Variants in MACROH2A2 observed in about 807,000 individuals in gnomAD.
MACROH2A2 encodes the protein core histone macro-H2A.2.
Under a neutral mutation model 37.6 loss-of-function variants are expected in MACROH2A2, and 6 were observed. The ratio of observed to expected loss-of-function variants is 0.16; its 90% CI spans 0.09 to 0.32. The LOEUF (loss-of-function observed/expected upper bound fraction) is 0.32, where lower values mean the gene tolerates loss of function less well. MACROH2A2 is among the 10% of genes least tolerant of loss of function. The pLI, the probability that MACROH2A2 is intolerant of heterozygous loss-of-function variation, is 1.00. For synonymous variants in MACROH2A2, 192 were observed against 202.7 expected, an observed-to-expected ratio of 0.95 and a Z score of 0.45; for missense variants, 290 against 485.9, an observed-to-expected ratio of 0.60 and a Z score of 3.79.
At chr10:70,059,661 G>A (rs527410367) in intron 1 of MACROH2A2, among the ~76,000 whole-genome samples, 32 of 152,206 alleles carry the variant, frequency 2.1e-4, no homozygotes, top group African/African-American at 7.7e-4. Context: ...GTGAGCCACC[G>A]CGCCTGGCCT....
chr10:70,091,741 G>T lies in MACROH2A2; in HGVS notation c.280-16G>T. 6.3e-7 allele frequency: 1 copy of T among 1,588,326 alleles called. No homozygotes were observed. The highest frequency in any genetic ancestry group is 8.6e-7 in the Non-Finnish European group (1 of 1,156,864). On this transcript the variant is annotated splice_polypyrimidine_tract_variant and intron_variant, in intron 3 of 8. Transcript: ENST00000373255. ...CAGGCTGTTTGCTACATGAGCGCAT[G>T]CATTTCTCTCTTCAGCTGCTAAAAG...
chr10:70,056,112 C>T (rs2072014509), intron 1 of MACROH2A2, among the ~76,000 whole-genome samples: 1 of 152,032 alleles, frequency 6.6e-6, no homozygotes, highest in South Asian at 2.1e-4. Flanking sequence ...ACAAAATGGA[C>T]AGAAAAAGTA....
intron 1 of MACROH2A2, among the ~76,000 whole-genome samples, chr10:70,063,910 C>T (rs542479438): frequency 8.5e-5 from 13 of 152,280 alleles, no homozygotes; most frequent in African/African-American, 3.1e-4. Flanking sequence ...GAGGGAACTG[C>T]GGCGAAGGTG....
chr10:70,080,885 CAAAAAAAAAA>C (rs149608498), intron 2 of MACROH2A2, among the ~76,000 whole-genome samples: 4 of 31,986 alleles, frequency 1.3e-4, no homozygotes, highest in African/African-American at 5.5e-4. Flanking sequence ...AACTCCATCT[CAAAAAAAAAA>C]AAAAAAAAAA....
At chr10:70,108,795 A>G (rs1345226257) in intron 7 of MACROH2A2, among the ~76,000 whole-genome samples, 1 of 152,140 alleles carries the variant, frequency 6.6e-6, no homozygotes, top group East Asian at 1.9e-4. Context: ...CCATATGAAA[A>G]TGGCGCATCA....
At chr10:70,074,951 T>C (rs1405804944) in intron 1 of MACROH2A2, among the ~76,000 whole-genome samples, 2 of 152,234 alleles carry the variant, frequency 1.3e-5, no homozygotes, top group East Asian at 1.9e-4. Context: ...TTATTGTTGC[T>C]GGAACAAATT....
chr10:70,103,744 G>T, intron 7 of MACROH2A2, among the ~76,000 whole-genome samples: 1 of 151,664 alleles, frequency 6.6e-6, no homozygotes, highest in East Asian at 1.9e-4. Context: ...CATTTGTAAA[G>T]AAATGATGGC....
In MACROH2A2 at chr10:70,100,216, T is replaced by C. The variant is rs1361847248; in HGVS notation, c.697T>C (p.Leu233=). Residue 233 remains leucine, a synonymous_variant, in exon 7 of 9, where the codon TTG becomes CTG. Transcript: ENST00000373255. The stretch of plus-strand genomic sequence containing the variant: ...ATTGCTCTCCTTTGCAGGTAAAGCC[T>C]TGGAAAAGGCTGGGGGAAAAGAGTT... The part of the protein sequence containing the change: ...IDLKEDIGKA[L]EKAGGKEFLE... The C allele has an allele frequency of 2.5e-6, 4 of 1,598,524 alleles. No individual in the cohort carries two copies. The highest frequency in any genetic ancestry group is 3.4e-6 in the Non-Finnish European group (4 of 1,166,422).
chr10:70,053,372 C>T lies in MACROH2A2; in HGVS notation c.-60+372C>T, dbSNP rs1025166227. Among the ~76,000 whole-genome samples the T allele has an allele frequency of 4.6e-5, 7 of 151,490 alleles. No individual in the cohort carries two copies. Among genetic ancestry groups the T allele is most frequent in the East Asian group, 3.9e-4 (2 of 5,124 alleles). ...TCTCCTGGGAATGCGGAGTTTCGGG[C>T]GCAGGAGCGGGAGGACGGAGGCGCC... On this transcript the variant is annotated intron_variant, in intron 1 of 8. Transcript: ENST00000373255. This position sits in a 1 kb window ranked among gnomAD's most constrained non-coding sequence, Gnocchi z 4.8.
chr10:70,109,847 T>C (rs2072359905), intron 8 of MACROH2A2, among the ~76,000 whole-genome samples: 1 of 152,226 alleles, frequency 6.6e-6, no homozygotes, highest in African/African-American at 2.4e-5. Flanking sequence ...CTGGGCATTG[T>C]TTCAGATACA....
chr10:70,111,286 TTAATC>T (rs1480233096), intron 8 of MACROH2A2, among the ~76,000 whole-genome samples: 2 of 151,968 alleles, frequency 1.3e-5, no homozygotes, highest in Non-Finnish European at 1.5e-5. Flanking sequence ...ATAAATTAAT[TTAATC>T]AAATTAAATC....
chr10:70,083,106 C>T (rs1009258424), intron 2 of MACROH2A2, among the ~76,000 whole-genome samples: 5 of 151,966 alleles, frequency 3.3e-5, no homozygotes, highest in Admixed American at 6.6e-5. Flanking sequence ...GAGCTGGAAA[C>T]ACAGAGACAA....
chr10:70,058,169 G>A (rs376406785), intron 1 of MACROH2A2, among the ~76,000 whole-genome samples: 1 of 152,212 alleles, frequency 6.6e-6, no homozygotes, highest in African/African-American at 2.4e-5. Context: ...ACTTTAAGCT[G>A]TCTTGTCACA....
Position 70,111,850 on chromosome 10 carries a change from C to T in MACROH2A2, c.*167C>T. 2.2e-6 allele frequency: 1 copy of T among 456,408 alleles called. No homozygotes were observed. Among genetic ancestry groups the T allele is most frequent in the Non-Finnish European group, 3.8e-6 (1 of 265,962 alleles). The allele number at this position is 456,408 out of a possible 1,614,324, so 28.3% of individuals were successfully genotyped here. On this transcript the variant is annotated 3_prime_UTR_variant, in exon 9 of 9. Transcript: ENST00000373255. ...CCTTCACACTCTCCTCCAAAAGAGC[C>T]TCCATCTGTAAGGAAGCAGGTCTCC...
rs1008159174 is a variant in MACROH2A2, at chr10:70,090,246, A to T, written c.279+80A>T. The T allele has an allele frequency of 2.3e-5, 20 of 862,406 alleles. No individual in the cohort carries two copies. In the African/African-American group the frequency reaches 3.3e-4, roughly 14 times the overall value. The allele number at this position is 862,406 out of a possible 1,614,324, so 53.4% of individuals were successfully genotyped here. On this transcript the variant is annotated intron_variant, in intron 3 of 8. Coordinates refer to ENST00000373255, the MANE Select transcript of MACROH2A2 (RefSeq NM_018649.3). The stretch of plus-strand genomic sequence containing the variant: ...GTGTGGGCCTGGCTGGCCATGAGTC[A>T]CTCCTGCTACAGTTCCCAATTACAT...
Position 70,100,438 on chromosome 10 carries a change from G to A in MACROH2A2, c.778+141G>A. On this transcript the variant is annotated intron_variant, in intron 7 of 8. Coordinates refer to ENST00000373255, the MANE Select transcript of MACROH2A2 (RefSeq NM_018649.3). The stretch of plus-strand genomic sequence containing the variant: ...TCAGAAAGCTGTTTTAGCATCTCAG[G>A]TAATTTGGGCAGGCCCATAGAGATC... The A allele has an allele frequency of 1.0e-5, 6 of 583,090 alleles. No homozygotes were observed. The South Asian group carries it at 1.4e-4, about 14-fold the overall frequency. The allele number at this position is 583,090 out of a possible 1,614,324, so 36.1% of individuals were successfully genotyped here. A position where few individuals can be genotyped will look rare whatever the true frequency, so the allele number is the denominator to read the frequency against.
chr10:70,075,924 CT>C lies in MACROH2A2; in HGVS notation c.172+98del. ...GCTGGGGAGGGATGCTCCAAATTGC[CT>C]TTTGGCTGGCTCAAGGCTACTGTGG... On this transcript the variant is annotated intron_variant, in intron 2 of 8. Transcript: ENST00000373255. The surrounding 1 kb of genome is among the most constrained non-coding windows in gnomAD (Gnocchi z 5.0). The C allele has an allele frequency of 3.7e-6, 4 of 1,092,670 alleles. No individual in the cohort carries two copies. The highest frequency in any genetic ancestry group is 5.3e-6 in the Non-Finnish European group (4 of 752,072). 67.7% of individuals were successfully genotyped at this position (1,092,670 alleles called of 1,614,324 possible).
intron 2 of MACROH2A2, among the ~76,000 whole-genome samples, chr10:70,080,899 A>AAC (rs1459458276): frequency 2.7e-5 from 4 of 149,258 alleles, no homozygotes; most frequent in African/African-American, 9.8e-5. Context: ...AAAAAAAAAA[A>AAC]AAAAAAAAAA....
chr10:70,062,127 A>C (rs889566978), intron 1 of MACROH2A2, among the ~76,000 whole-genome samples: 1 of 152,216 alleles, frequency 6.6e-6, no homozygotes, highest in South Asian at 2.1e-4. Context: ...AAACTCTATT[A>C]GGTGGGAAGC....
Sources: gnomAD v4.1 joint callset for allele counts (sites outside exome capture counted in the v4.1 genomes callset) on GRCh38, gnomAD v4.1.1 for gene constraint, Gnocchi (gnomAD v3.1) non-coding constraint, MANE v1.5 for transcripts, NCBI Gene and HGNC (gene_info 2026-07-23, HGNC 2026-07-21) for gene names.